The following SIRPG variants were observed in gnomAD, a reference collection of about 807,000 sequenced individuals.
SIRPG encodes signal-regulatory protein gamma.
A neutral mutation model predicts 35.7 loss-of-function variants in SIRPG; 38 were observed. The ratio of observed to expected loss-of-function variants is 1.06; its 90% confidence interval spans 0.82 to 1.40. The LOEUF (loss-of-function observed/expected upper bound fraction) is 1.40, where lower values mean the gene tolerates loss of function less well. Ranked by LOEUF, SIRPG falls within the 40% of genes most tolerant of loss-of-function variation. The probability of loss-of-function intolerance (pLI) is 0.00; values close to 1 mark genes in which losing one functional copy is unlikely to be tolerated. For missense variants in SIRPG, 519 were observed against 483.0 expected (o/e 1.07, Z -0.70); for synonymous variants, 215 against 190.4 (o/e 1.13, Z -1.06).
the SIRPG span, among the ~76,000 whole-genome samples, chr20:1,684,683 A>G: frequency 3.9e-5 from 6 of 152,330 alleles, no homozygotes; most frequent in East Asian, 3.9e-4. Context: ...TATTTCTACA[A>G]GTAGCATAAC....
At chr20:1,665,170 C>T in the SIRPG span, 1 of 153,376 alleles carries the variant, frequency 6.5e-6, no homozygotes, top group East Asian at 1.9e-4. Context: ...GCTCGGTTAC[C>T]TTCTCTAAAC....
upstream of SIRPG, among the ~76,000 whole-genome samples, chr20:1,661,996 T>A (rs2091997239): frequency 6.6e-6 from 1 of 152,214 alleles, no homozygotes; most frequent in Non-Finnish European, 1.5e-5. Context: ...TGAGGGCTTG[T>A]GGCTGTAGCA....
the SIRPG span, among the ~76,000 whole-genome samples, chr20:1,675,092 A>T: frequency 2.6e-5 from 4 of 152,194 alleles, no homozygotes; most frequent in Non-Finnish European, 4.4e-5. Context: ...CCGGGCCCAG[A>T]TACCCTGTAG....
the SIRPG span, among the ~76,000 whole-genome samples, chr20:1,679,959 A>G: frequency 6.6e-6 from 1 of 152,196 alleles, no homozygotes; most frequent in African/African-American, 2.4e-5. Context: ...CTCAATATCA[A>G]TAATGGCATC....
Position 1,657,656 on chromosome 20 carries a change from A to G in SIRPG, c.59T>C (p.Leu20Pro), listed in dbSNP as rs1230063434. ...PPGPFLLLTL[L>P]LGLTEVAGEE... ...GCAATGCTCACCTGTAAGTCCCAGC[A>G]GTAGAGTCAGAAGCAGGAAAGGACC... Residue 20 changes from leucine (L) to proline (P), a missense_variant, in exon 1 of 6, where the codon CTG (leucine) becomes CCG (proline). Transcript: ENST00000303415. The G allele has an allele frequency of 1.2e-6, 2 of 1,614,256 alleles. No homozygotes were observed. The highest frequency in any genetic ancestry group is 1.1e-5 in the South Asian group (1 of 91,086).
Position 1,649,081 on chromosome 20 carries a change from GACTTA to G in SIRPG, c.396_400del (p.Lys133TrpfsTer5). 6.2e-7 allele frequency: 1 copy of G among 1,613,922 alleles called. No homozygotes were observed. The highest frequency in any genetic ancestry group is 8.5e-7 in the Non-Finnish European group (1 of 1,179,844). Reference sequence around the variant, plus strand: ...CAAAGCCATCTCAGTGCCTGGTCCAGACTTAAACTCCACGTTCTCAGGGCTCCCTT... The same window carrying G: ...CAAAGCCATCTCAGTGCCTGGTCCAGAACTCCACGTTCTCAGGGCTCCCTT... On this transcript the variant is annotated frameshift_variant, in exon 2 of 6. Transcript: ENST00000303415. LOFTEE classifies it high-confidence loss of function.
the SIRPG span, among the ~76,000 whole-genome samples, chr20:1,667,222 A>G: frequency 6.6e-6 from 1 of 152,192 alleles, no homozygotes; most frequent in African/African-American, 2.4e-5. Flanking sequence ...CACAAAAACT[A>G]CTGTGTTCTA....
the SIRPG span, among the ~76,000 whole-genome samples, chr20:1,669,100 C>T: frequency 6.6e-6 from 1 of 152,116 alleles, no homozygotes; most frequent in African/African-American, 2.4e-5. Flanking sequence ...GAATATCGGC[C>T]AACTTCAGAT....
the SIRPG span, among the ~76,000 whole-genome samples, chr20:1,675,223 AG>A: frequency 6.6e-5 from 10 of 152,076 alleles, no homozygotes; most frequent in Non-Finnish European, 1.3e-4. Flanking sequence ...AGCACCAAGA[AG>A]GGGTGGGCAC....
chr20:1,678,953 G>GA, the SIRPG span, among the ~76,000 whole-genome samples: 1 of 152,024 alleles, frequency 6.6e-6, no homozygotes, highest in Non-Finnish European at 1.5e-5. Context: ...GCTGAAAGAG[G>GA]AAAAACCTAT....
intron 2 of SIRPG, among the ~76,000 whole-genome samples, chr20:1,640,856 A>G (rs958098169): frequency 1.3e-5 from 2 of 152,142 alleles, no homozygotes; most frequent in Non-Finnish European, 2.9e-5. Context: ...TTCTGCATCT[A>G]TTGAGATAAT....
chr20:1,650,800 C>T (rs1181222866), intron 1 of SIRPG, among the ~76,000 whole-genome samples: 1 of 152,228 alleles, frequency 6.6e-6, no homozygotes, highest in East Asian at 1.9e-4. Context: ...CTGAGACCCA[C>T]ACTAAGGTAC....
At chr20:1,666,231 G>GTTTTGTAC in the SIRPG span, 1 of 151,870 alleles carries the variant, frequency 6.6e-6, no homozygotes, top group Non-Finnish European at 1.5e-5. Context: ...GTTTCAAGCT[G>GTTTTGTAC]AGTGTTGTTA....
intron 4 of SIRPG, among the ~76,000 whole-genome samples, chr20:1,634,269 T>TGC (rs2091773959): frequency 1.4e-5 from 2 of 147,454 alleles, no homozygotes; most frequent in East Asian, 4.1e-4. Context: ...TGCAGTGGCA[T>TGC]GATCTCGGCT....
the SIRPG span, among the ~76,000 whole-genome samples, chr20:1,676,365 C>T: frequency 6.6e-6 from 1 of 152,154 alleles, no homozygotes; most frequent in Non-Finnish European, 1.5e-5. Context: ...TTTAATAGTT[C>T]AACATTGGGA....
chr20:1,684,862 AGAGTT>A, the SIRPG span, among the ~76,000 whole-genome samples: 1 of 110,218 alleles, frequency 9.1e-6, no homozygotes, highest in African/African-American at 5.0e-5. Flanking sequence ...GAGGATTAGT[AGAGTT>A]AAGTAGAGTT....
chr20:1,648,863 A>C (rs2091916700), intron 2 of SIRPG, among the ~76,000 whole-genome samples, 189 bp downstream of exon 2: 1 of 152,150 alleles, frequency 6.6e-6, no homozygotes, highest in Admixed American at 6.5e-5. Context: ...ATTTACTAGC[A>C]ATCATTTACC....
chr20:1,631,040 T>A (rs765471757), intron 4 of SIRPG, among the ~76,000 whole-genome samples: 4 of 152,186 alleles, frequency 2.6e-5, no homozygotes, highest in Non-Finnish European at 4.4e-5. Flanking sequence ...CTGAAATCTT[T>A]CTGTTAGTTG....
At chr20:1,673,545 T>C in the SIRPG span, among the ~76,000 whole-genome samples, 913 of 152,196 alleles carry the variant, frequency 6.0e-3, 11 homozygotes, top group African/African-American at 0.021. Context: ...ATTTATCCTT[T>C]AGGCAGCAGA....
Sources: allele counts gnomAD v4.1 joint callset (sites outside exome capture counted in the v4.1 genomes callset), GRCh38; gene constraint gnomAD v4.1.1; transcripts MANE v1.5; gene names NCBI Gene and HGNC (gene_info 2026-07-23, HGNC 2026-07-21).